The following SLC35B2 variants were observed in gnomAD, a reference collection of about 807,000 sequenced individuals.
SLC35B2 encodes adenosine 3'-phospho 5'-phosphosulfate transporter 1.
Under a neutral mutation model 37.9 loss-of-function variants are expected in SLC35B2, and 19 were observed. That is an observed-to-expected ratio of 0.50 (90% confidence interval 0.35 to 0.74). The LOEUF (loss-of-function observed/expected upper bound fraction) is 0.74. SLC35B2 is among the 30% of genes least tolerant of loss of function. The probability of loss-of-function intolerance (pLI) is 0.01; values close to 1 mark genes in which losing one functional copy is unlikely to be tolerated. For missense variants in SLC35B2, 633 were observed against 547.6 expected (o/e 1.16, Z -1.56); for synonymous variants, 277 against 225.2 (o/e 1.23, Z -2.06).
At position 44,256,491 on chromosome 6, in the gene SLC35B2, C is replaced by T; in HGVS notation, c.211G>A (p.Gly71Ser). ...RRKNYLETGRGLCFPLVKACV... is the reference protein window; with the variant it reads ...RRKNYLETGRSLCFPLVKACV... ...GCTTTCACCAGGGGAAAGCAGAGGC[C>T]CCTACCTGAAGAAAGCACACAAAGT... is the stretch of plus-strand genomic sequence containing the variant. The change falls in exon 3 of 4, where the codon GGC becomes AGC. Residue 71 changes from glycine to serine, a missense_variant. Gly to Ser is a moderately conservative substitution (Grantham distance 56, BLOSUM62 0). Coordinates refer to ENST00000393812, the MANE Select transcript of SLC35B2 (RefSeq NM_178148.4). The T allele has an allele frequency of 6.2e-7, 1 of 1,614,152 alleles. No homozygotes were observed. Among genetic ancestry groups the T allele is most frequent in the Non-Finnish European group, 8.5e-7 (1 of 1,180,028 alleles).
chr6:44,255,081 G>C lies in SLC35B2; in HGVS notation c.924C>G (p.Phe308Leu). The change falls in exon 4 of 4, where the codon TTC becomes TTG. Residue 308 changes from phenylalanine to leucine, a missense_variant. Phe to Leu is a conservative substitution (Grantham distance 22, BLOSUM62 0). Transcript: ENST00000393812. The stretch of plus-strand genomic sequence containing the variant: ...AGCCCACTGTGAAGAGGCAGGAGAA[G>C]AAATTGACCCCAAACATCATCTGCA... ...SSVQMMFGVN[F>L]FSCLFTVGSL... The C allele has an allele frequency of 6.2e-7, 1 of 1,614,192 alleles. No individual in the cohort carries two copies. The highest frequency in any genetic ancestry group is 8.5e-7 in the Non-Finnish European group (1 of 1,180,032).
Position 44,257,386 on chromosome 6 carries a change from GC to G in SLC35B2, c.11+13del. 7.8e-7 allele frequency: 1 copy of G among 1,286,184 alleles called. No homozygotes were observed. Among genetic ancestry groups the G allele is most frequent in the Admixed American group, 4.0e-5 (1 of 24,916 alleles). 79.7% of individuals were successfully genotyped at this position (1,286,184 alleles called of 1,614,324 possible). On this transcript the variant is annotated intron_variant, in intron 1 of 3. Transcript: ENST00000393812. The stretch of plus-strand genomic sequence containing the variant: ...GGCTCGGTCACGTGAGCTCGCTGCT[GC>G]CCTAGCCCCCACCTGGCGTCCATGG...
intron 1 of SLC35B2, 138 bp downstream of exon 1, chr6:44,257,262 A>G (rs1781652278): frequency 9.8e-7 from 1 of 1,017,134 alleles, no homozygotes; most frequent in Non-Finnish European, 1.3e-6. Context: ...CGCAGCTCCC[A>G]TCCCCGCTGG....
rs1781297673 is a variant in SLC35B2, at chr6:44,255,317, CA to C, written c.687del (p.Val230CysfsTer12). On this transcript the variant is annotated frameshift_variant, in exon 4 of 4. Transcript: ENST00000393812. LOFTEE classifies it high-confidence loss of function. ...CAGTGTTCGTAGCTGCGCCGAGACA[CA>C]AGCTTTCCCATCAGCATGACAGGGA... ...KVIPVMLMGK[L>X]VSRRSYEHWE... The C allele has an allele frequency of 6.2e-7, 1 of 1,614,138 alleles. No individual in the cohort carries two copies. The highest frequency in any genetic ancestry group is 1.1e-5 in the South Asian group (1 of 91,094).
At chr6:44,257,271 G>C (rs1781654727) in intron 1 of SLC35B2, 129 bp downstream of exon 1, 2 of 1,088,450 alleles carry the variant, frequency 1.8e-6, no homozygotes, top group Non-Finnish European at 2.4e-6. Flanking sequence ...CATCCCCGCT[G>C]GCTCCGGGCA....
intron 3 of SLC35B2, among the ~76,000 whole-genome samples, chr6:44,256,110 A>G (rs1036259045): frequency 2.0e-5 from 3 of 152,230 alleles, no homozygotes; most frequent in Non-Finnish European, 4.4e-5. Context: ...TGCACTAGAC[A>G]TCTTGAAATA....
At position 44,254,608 on chromosome 6, in the gene SLC35B2, C is replaced by CTGCATT. The variant is rs1781163560; in HGVS notation, c.*92_*97dup. 9 of 1,341,686 alleles carry CTGCATT rather than the reference C, an allele frequency of 6.7e-6. No individual in the cohort carries two copies. 83.1% of individuals were successfully genotyped at this position (1,341,686 alleles called of 1,614,324 possible). ...CTGGTCTGTGATACTGAGAAAACACCTGCATTTTGCCCTTTCAGCCAGCTC... is the reference window on the plus strand; with the variant it reads ...CTGGTCTGTGATACTGAGAAAACACCTGCATTTGCATTTTGCCCTTTCAGCCAGCTC... On this transcript the variant is annotated 3_prime_UTR_variant, in exon 4 of 4. Coordinates refer to ENST00000393812, the MANE Select transcript of SLC35B2 (RefSeq NM_178148.4).
rs766869254 is a variant in SLC35B2, at chr6:44,254,856, G to A, written c.1149C>T (p.Cys383=). 5 of 1,614,098 alleles carry A rather than the reference G, an allele frequency of 3.1e-6. No homozygotes were observed. The Admixed American group carries it at 5.0e-5, about 16-fold the overall frequency. ...LRQAFAILLS[C]LLYGHTVTVV... is the part of the protein sequence containing the mutation. ...CAGTGACAGTGTGGCCATAGAGAAG[G>A]CAGGAAAGAAGGATGGCAAAGGCCT... The change falls in exon 4 of 4, where the codon TGC becomes TGT. Residue 383 remains cysteine (C), a synonymous_variant. Coordinates refer to ENST00000393812, the MANE Select transcript of SLC35B2 (RefSeq NM_178148.4).
upstream of SLC35B2, chr6:44,257,621 G>T: frequency 4.2e-6 from 1 of 238,798 alleles, no homozygotes; most frequent in Non-Finnish European, 7.2e-6. Context: ...CAGCGCCCCC[G>T]CGCGGCCCGG....
chr6:44,254,817 C>T lies in SLC35B2; in HGVS notation c.1188G>A (p.Leu396=), dbSNP rs1781205641. The part of the protein sequence containing the change: ...YGHTVTVVGG[L]GVAVVFAALL... ...GGGCAGCAAAGACCACAGCCACCCC[C>T]AGCCCTCCCACCACAGTGACAGTGT... The change falls in exon 4 of 4, where the codon CTG becomes CTA. Residue 396 remains leucine, a synonymous_variant. Transcript: ENST00000393812. 2 of 1,614,224 alleles carry T rather than the reference C, an allele frequency of 1.2e-6. No individual in the cohort carries two copies. The highest frequency in any genetic ancestry group is 8.5e-7 in the Non-Finnish European group (1 of 1,180,048).
chr6:44,255,592 T>C lies in SLC35B2; in HGVS notation c.413A>G (p.Tyr138Cys), dbSNP rs774638007. Residue 138 changes from tyrosine to cysteine, a missense_variant, in exon 4 of 4, where the codon TAT (tyrosine) becomes TGT (cysteine). Tyr to Cys is a radical substitution (Grantham distance 194). Coordinates refer to ENST00000393812, the MANE Select transcript of SLC35B2 (RefSeq NM_178148.4). ...VLQERVMTRS[Y>C]GATATSPGER... ...ACCCGGTGATGTGGCTGTGGCCCCA[T>C]AGCTGCGGGTCATCACTCTTTCCTG... 1.9e-6 allele frequency: 3 copies of C among 1,613,944 alleles called. No individual in the cohort carries two copies. Among genetic ancestry groups the C allele is most frequent in the Non-Finnish European group, 2.5e-6 (3 of 1,180,018 alleles).
Position 44,255,173 on chromosome 6 carries a change from A to G in SLC35B2, c.832T>C (p.Tyr278His). Residue 278 changes from tyrosine to histidine, a missense_variant, in exon 4 of 4, where the codon TAT (tyrosine) becomes CAT (histidine). Coordinates refer to ENST00000393812, the MANE Select transcript of SLC35B2 (RefSeq NM_178148.4). ...TLSGLILLAG[Y>H]IAFDSFTSNW... ...GAGGTGAAGCTGTCAAAAGCAATAT[A>G]ACCTGCCAGTAAGATGAGGCCTGAG... The G allele has an allele frequency of 1.2e-6, 2 of 1,614,224 alleles. No individual in the cohort carries two copies. Among genetic ancestry groups the G allele is most frequent in the Admixed American group, 1.7e-5 (1 of 60,032 alleles).
chr6:44,255,027 C>T lies in SLC35B2; in HGVS notation c.978G>A (p.Glu326=), dbSNP rs374975670. 8 of 1,614,196 alleles carry T rather than the reference C, an allele frequency of 5.0e-6. No individual in the cohort carries two copies. In the African/African-American group the frequency reaches 9.3e-5, roughly 19 times the overall value. Reference sequence around the variant, plus strand: ...TGTGTCGCCCCATGAAGCGGGTTCCCTCCAGTAGGGCCCCCTGTTCTAGCA... The same window carrying T: ...TGTGTCGCCCCATGAAGCGGGTTCCTTCCAGTAGGGCCCCCTGTTCTAGCA... The part of the protein sequence containing the change: ...GSLLEQGALL[E]GTRFMGRHSE... Residue 326 remains glutamate (E), a synonymous_variant, in exon 4 of 4, where the codon GAG becomes GAA. Coordinates refer to ENST00000393812, the MANE Select transcript of SLC35B2 (RefSeq NM_178148.4).
rs1452890022 is a variant in SLC35B2 at position 44,254,940 on chromosome 6, G to A, written c.1065C>T (p.Ile355=). ...CCCCAAACTGCCCAATGGTGTAAAA[G>A]ATGAAGAGCTGGCCACATGCGGAGC... is the stretch of plus-strand genomic sequence containing the variant. ...SICSACGQLF[I]FYTIGQFGAA... Residue 355 remains isoleucine, a synonymous_variant, in exon 4 of 4, where the codon ATC becomes ATT. Transcript: ENST00000393812. 3.1e-6 allele frequency: 5 copies of A among 1,614,184 alleles called. No homozygotes were observed. Among genetic ancestry groups the A allele is most frequent in the Middle Eastern group, 1.6e-4 (1 of 6,062 alleles).
rs1355064521 is a variant in SLC35B2, at chr6:44,255,235, C to G, written c.770G>C (p.Ser257Thr). 1 of 1,614,222 alleles carries G rather than the reference C, an allele frequency of 6.2e-7. No homozygotes were observed. Among genetic ancestry groups the G allele is most frequent in the Non-Finnish European group, 8.5e-7 (1 of 1,180,030 alleles). ...SIGVSMFLLS[S>T]GPEPRSSPAT... ...TGGGGAGCTGCGGGGCTCTGGTCCG[C>G]TGGATAGCAGAAACATGCTGACCCC... Residue 257 changes from serine (S) to threonine (T), a missense_variant, in exon 4 of 4, where the codon AGC becomes ACC. Coordinates refer to ENST00000393812, the MANE Select transcript of SLC35B2 (RefSeq NM_178148.4).
Position 44,254,310 on chromosome 6 carries a change from G to GC in SLC35B2, c.*395dup, listed in dbSNP as rs1382731100. On this transcript the variant is annotated 3_prime_UTR_variant, in exon 4 of 4. Transcript: ENST00000393812. ...GGAAAGCAGCATTGGAGCCTACACCGCTTGTGCTTTTCTCACCAGGGTAAG... is the reference window on the plus strand; with the variant it reads ...GGAAAGCAGCATTGGAGCCTACACCGCCTTGTGCTTTTCTCACCAGGGTAAG... 3 of 216,152 alleles carry GC rather than the reference G, an allele frequency of 1.4e-5. No individual in the cohort carries two copies. The highest frequency in any genetic ancestry group is 2.8e-5 in the Non-Finnish European group (3 of 105,722). 13.4% of individuals were successfully genotyped at this position (216,152 alleles called of 1,614,324 possible).
chr6:44,257,312 G>C, intron 1 of SLC35B2, 88 bp downstream of exon 1: 1 of 1,290,698 alleles, frequency 7.7e-7, no homozygotes, highest in Non-Finnish European at 9.9e-7. Context: ...CGAGCAGCCG[G>C]GACCCCACCC....
Position 44,254,783 on chromosome 6 carries a change from TGAGCAG to T in SLC35B2, c.1216_1221del (p.Leu406_Leu407del). The T allele has an allele frequency of 1.2e-6, 2 of 1,614,124 alleles. No homozygotes were observed. The highest frequency in any genetic ancestry group is 1.7e-6 in the Non-Finnish European group (2 of 1,180,026). On this transcript the variant is annotated inframe_deletion, in exon 4 of 4. Coordinates refer to ENST00000393812, the MANE Select transcript of SLC35B2 (RefSeq NM_178148.4). ...TTTAGACGGCCCCGCGCGTAGACTC[TGAGCAG>T]GAGGGCAGCAAAGACCACAGCCACC... is the stretch of plus-strand genomic sequence containing the variant.
chr6:44,256,067 C>T (rs557499181), intron 3 of SLC35B2, among the ~76,000 whole-genome samples: 2 of 126,906 alleles, frequency 1.6e-5, no homozygotes, highest in African/African-American at 6.1e-5. Context: ...CAGTAGAAAT[C>T]ACAGAGAATA....
Sources: allele counts gnomAD v4.1 joint callset (sites outside exome capture counted in the v4.1 genomes callset), GRCh38; gene constraint gnomAD v4.1.1; transcripts MANE v1.5; gene names NCBI Gene and HGNC (gene_info 2026-07-23, HGNC 2026-07-21).